The following NRL variants were observed in gnomAD, a reference collection of about 807,000 sequenced individuals.
NRL encodes neural retina leucine zipper.
In NRL, 16 loss-of-function variants were observed where a neutral mutation model predicts 12.5. The ratio of observed to expected loss-of-function variants is 1.28; its 90% CI spans 0.87 to 1.95. The LOEUF is 1.95. Ranked by LOEUF, NRL falls within the 30% of genes most tolerant of loss-of-function variation. The pLI is 0.00. For synonymous variants in NRL, 142 were observed against 150.9 expected (o/e 0.94, Z 0.43); for missense variants, 314 against 325.8 (o/e 0.96, Z 0.28).
chr14:24,089,308 T>G (rs2138895780), intron 1 of NRL, among the ~76,000 whole-genome samples: 1 of 152,012 alleles, frequency 6.6e-6, no homozygotes, highest in South Asian at 2.1e-4. Context: ...AGTGCAGTGG[T>G]GCAATCATAG....
intron 1 of NRL, among the ~76,000 whole-genome samples, chr14:24,107,705 G>A (rs1346733142): frequency 6.6e-6 from 1 of 151,836 alleles, no homozygotes; most frequent in Admixed American, 6.6e-5. Context: ...ACCCATTGAC[G>A]AATCCAGACT....
chr14:24,102,697 T>C, intron 1 of NRL: 3 of 1,477,020 alleles, frequency 2.0e-6, no homozygotes, highest in Non-Finnish European at 9.4e-7. Context: ...CATGTATGTG[T>C]GTGTTGGGGG....
intron 1 of NRL, chr14:24,100,269 G>A: frequency 1.9e-6 from 3 of 1,592,466 alleles, no homozygotes; most frequent in Non-Finnish European, 2.6e-6. Context: ...CCTTAATGGT[G>A]GAAAAGCTTT....
intron 1 of NRL, 65 bp downstream of exon 1, chr14:24,114,657 T>C (rs1391268498): frequency 1.0e-6 from 1 of 984,772 alleles, no homozygotes; most frequent in East Asian, 1.1e-4. Flanking sequence ...CAGCAAGAGC[T>C]AACAGCCCTC....
chr14:24,102,565 A>ATGG, intron 1 of NRL: 2 of 601,190 alleles, frequency 3.3e-6, no homozygotes, highest in Non-Finnish European at 5.9e-6. Flanking sequence ...CCGCACCTTC[A>ATGG]TGGCTAAACA....
chr14:24,103,189 T>A (rs1299774162), intron 1 of NRL: 20 of 1,614,006 alleles, frequency 1.2e-5, no homozygotes, highest in Non-Finnish European at 1.6e-5. Flanking sequence ...GGCCTTCAAC[T>A]GGCGTCATGG....
intron 1 of NRL, chr14:24,099,542 T>C: frequency 6.4e-7 from 1 of 1,560,390 alleles, no homozygotes; most frequent in Non-Finnish European, 8.7e-7. Flanking sequence ...TTATTCCCTC[T>C]CTCCCCAATG....
chr14:24,094,807 C>T lies in NRL; in HGVS notation c.-27-11932G>A. 1.5e-6 allele frequency: 2 copies of T among 1,346,394 alleles called. No individual in the cohort carries two copies. Among genetic ancestry groups the T allele is most frequent in the South Asian group, 1.2e-5 (1 of 81,496 alleles). 83.4% of individuals were successfully genotyped at this position (1,346,394 alleles called of 1,614,324 possible). ...TCTAACGGGCTCTCAGCCAGCGCCC[C>T]AGGGTACTTCGAGAGGCAGCAGGGC... On this transcript the variant is annotated intron_variant, in intron 1 of 2. Transcript: ENST00000561028. The surrounding 1 kb of genome is among the most constrained non-coding windows in gnomAD (Gnocchi z 4.1).
intron 1 of NRL, chr14:24,098,291 C>A: frequency 5.0e-6 from 8 of 1,613,948 alleles, no homozygotes; most frequent in Non-Finnish European, 6.8e-6. Context: ...CACGGTACCA[C>A]TCCCGCCTGG....
chr14:24,094,896 G>A lies in NRL; in HGVS notation c.-27-12021C>T, dbSNP rs2036792934. 6.4e-6 allele frequency: 8 copies of A among 1,240,846 alleles called. 2 individuals are homozygous for A. Among genetic ancestry groups the A allele is most frequent in the Non-Finnish European group, 8.5e-6 (8 of 944,460 alleles). 76.9% of individuals were successfully genotyped at this position (1,240,846 alleles called of 1,614,324 possible). On this transcript the variant is annotated intron_variant, in intron 1 of 2. Coordinates refer to ENST00000561028, the MANE Select transcript of NRL (RefSeq NM_001354768.3). The surrounding 1 kb of genome is among the most constrained non-coding windows in gnomAD (Gnocchi z 4.1). ...TCAGAGCCCCCTAAAGAAGGTGGAA[G>A]GTTAAATATCCATTCCCGGCCTCTC...
In NRL at chr14:24,085,674, C is replaced by T. The variant is rs931449584; in HGVS notation, c.-27-2799G>A. Among the ~76,000 whole-genome samples, 1 of 152,228 alleles carries T rather than the reference C, an allele frequency of 6.6e-6. No individual in the cohort carries two copies. Among genetic ancestry groups the T allele is most frequent in the African/African-American group, 2.4e-5 (1 of 41,446 alleles). ...TTTCTCAACACAGAGGCCTGGGTGTCCATCAGACCCCAAAGGTCATCACTT... is the reference window on the plus strand; with the variant it reads ...TTTCTCAACACAGAGGCCTGGGTGTTCATCAGACCCCAAAGGTCATCACTT... On this transcript the variant is annotated intron_variant, in intron 1 of 2. Transcript: ENST00000561028. This position sits in a 1 kb window ranked among gnomAD's most constrained non-coding sequence, Gnocchi z 4.1.
chr14:24,110,355 C>T (rs1481056893), intron 1 of NRL: 2 of 387,610 alleles, frequency 5.2e-6, no homozygotes, highest in South Asian at 1.7e-5. Context: ...GCGAGCTGCC[C>T]GCCTCAGCCT....
intron 1 of NRL, chr14:24,097,264 G>A (rs1248747562): frequency 1.1e-6 from 1 of 886,360 alleles, no homozygotes; most frequent in Non-Finnish European, 1.7e-6. Context: ...GGGGTAAACA[G>A]ACCCAGAAAC....
chr14:24,110,281 G>T, intron 1 of NRL: 1 of 322,728 alleles, frequency 3.1e-6, no homozygotes, highest in Admixed American at 3.7e-5. Flanking sequence ...TTTTGTTTTT[G>T]TATTTTTCGT....
At chr14:24,102,753 G>A (rs771412007) in intron 1 of NRL, 3 of 1,612,760 alleles carry the variant, frequency 1.9e-6, no homozygotes, top group Non-Finnish European at 2.5e-6. Context: ...CCTCTGCCAG[G>A]TGACAAGGAG....
chr14:24,104,292 G>A (rs2037288457), intron 1 of NRL, among the ~76,000 whole-genome samples: 1 of 151,686 alleles, frequency 6.6e-6, no homozygotes, highest in Non-Finnish European at 1.5e-5. Flanking sequence ...AGGAATTGCT[G>A]GGAGAAGGCA....
intron 1 of NRL, among the ~76,000 whole-genome samples, chr14:24,101,699 G>A (rs1214206295): frequency 6.6e-6 from 1 of 152,188 alleles, no homozygotes; most frequent in Non-Finnish European, 1.5e-5. Context: ...GAGGCAGTTG[G>A]ATCACCTGAG....
chr14:24,095,057 G>C, intron 1 of NRL: 1 of 455,296 alleles, frequency 2.2e-6, no homozygotes, highest in South Asian at 1.5e-5. Context: ...TTCTTCCTCC[G>C]TCCAGGCCTG....
chr14:24,100,510 C>A, intron 1 of NRL: 3 of 818,912 alleles, frequency 3.7e-6, no homozygotes, highest in Non-Finnish European at 3.4e-6. Context: ...TTAAATAGTG[C>A]ATAAAAAGGG....
Sources: gnomAD v4.1 joint callset for allele counts (sites outside exome capture counted in the v4.1 genomes callset) on GRCh38, gnomAD v4.1.1 for gene constraint, Gnocchi (gnomAD v3.1) non-coding constraint, MANE v1.5 for transcripts, NCBI Gene and HGNC (gene_info 2026-07-23, HGNC 2026-07-21) for gene names.